Variants in MFHAS1 observed in about 807,000 individuals in gnomAD.
MFHAS1 encodes the protein multifunctional ROCO family signaling regulator 1, also known as malignant fibrous histiocytoma-amplified sequence 1.
A neutral mutation model predicts 70.4 loss-of-function variants in MFHAS1; 50 were observed. The ratio of observed to expected loss-of-function variants is 0.71; its 90% CI spans 0.57 to 0.90. MFHAS1 has a LOEUF of 0.90. MFHAS1 is among the 40% of genes least tolerant of loss of function. The pLI, the probability that MFHAS1 is intolerant of heterozygous loss-of-function variation, is 0.00. For synonymous variants in MFHAS1, 952 were observed against 620.0 expected, an observed-to-expected ratio of 1.54 and a Z score of -7.96; for missense variants, 1,795 against 1,347.6, an observed-to-expected ratio of 1.33 and a Z score of -5.20.
intron 1 of MFHAS1, among the ~76,000 whole-genome samples, chr8:8,888,067 C>A (rs1809839930): frequency 6.6e-6 from 1 of 152,118 alleles, no homozygotes; most frequent in Non-Finnish European, 1.5e-5. Context: ...CATTTGGTAT[C>A]ACAATAAAGA....
intron 1 of MFHAS1, among the ~76,000 whole-genome samples, chr8:8,846,808 T>C (rs146868225): frequency 2.0e-4 from 30 of 152,258 alleles, no homozygotes; most frequent in African/African-American, 6.5e-4. Context: ...GGCTGCTTTA[T>C]TTAAAATAGC....
At chr8:8,882,594 AGAGT>A (rs1338250279) in intron 1 of MFHAS1, among the ~76,000 whole-genome samples, 4 of 152,220 alleles carry the variant, frequency 2.6e-5, no homozygotes, top group Non-Finnish European at 5.9e-5. Flanking sequence ...CCTGGGCGAC[AGAGT>A]GAGACTCCAT....
chr8:8,839,704 G>A (rs534956883), intron 1 of MFHAS1, among the ~76,000 whole-genome samples: 2 of 152,272 alleles, frequency 1.3e-5, no homozygotes, highest in South Asian at 4.1e-4. Context: ...AGGTCTGGCT[G>A]AAATAACGTA....
chr8:8,811,432 T>C (rs760715747), intron 1 of MFHAS1, among the ~76,000 whole-genome samples: 2 of 152,082 alleles, frequency 1.3e-5, no homozygotes, highest in South Asian at 2.1e-4. Flanking sequence ...CACACCATCA[T>C]ACCTCATTTT....
chr8:8,869,044 C>T (rs1808969483), intron 1 of MFHAS1, among the ~76,000 whole-genome samples: 1 of 152,128 alleles, frequency 6.6e-6, no homozygotes, highest in Non-Finnish European at 1.5e-5. Context: ...AACAGCTATG[C>T]AAAGCAGGTG....
At chr8:8,832,089 C>CACACAT (rs1554481392) in intron 1 of MFHAS1, among the ~76,000 whole-genome samples, 1 of 151,114 alleles carries the variant, frequency 6.6e-6, no homozygotes, top group African/African-American at 2.4e-5. Flanking sequence ...CACACACACA[C>CACACAT]GCACCAAAGT....
chr8:8,880,076 T>G (rs1809455317), intron 1 of MFHAS1, among the ~76,000 whole-genome samples: 1 of 152,228 alleles, frequency 6.6e-6, no homozygotes, highest in African/African-American at 2.4e-5. Context: ...ACATACACCC[T>G]AGAACAGACC....
chr8:8,821,409 G>C (rs150254590), intron 1 of MFHAS1, among the ~76,000 whole-genome samples: 85 of 152,330 alleles, frequency 5.6e-4, no homozygotes, highest in African/African-American at 1.9e-3. Context: ...AAAGATCGAA[G>C]ATCGGCATGG....
At chr8:8,851,634 C>T (rs190316529) in intron 1 of MFHAS1, among the ~76,000 whole-genome samples, 1 of 152,184 alleles carries the variant, frequency 6.6e-6, no homozygotes, top group East Asian at 1.9e-4. Context: ...TGTTGCAAAA[C>T]AAAACTGGAA....
intron 1 of MFHAS1, among the ~76,000 whole-genome samples, chr8:8,811,359 G>C (rs947570441): frequency 6.6e-6 from 1 of 151,958 alleles, no homozygotes; most frequent in Non-Finnish European, 1.5e-5. Context: ...CCAGGCTGGA[G>C]TACAGTGGCG....
intron 1 of MFHAS1, among the ~76,000 whole-genome samples, chr8:8,798,041 G>C (rs946266918): frequency 1.3e-5 from 2 of 152,228 alleles, no homozygotes; most frequent in African/African-American, 4.8e-5. Context: ...AGGTATGTGT[G>C]AAGCAGATGC....
chr8:8,844,242 C>G (rs1187687449), intron 1 of MFHAS1, among the ~76,000 whole-genome samples: 1 of 152,070 alleles, frequency 6.6e-6, no homozygotes, highest in Non-Finnish European at 1.5e-5. Flanking sequence ...CCATAGGAGC[C>G]CTAAAAACTG....
At chr8:8,844,056 C>A (rs181147450) in intron 1 of MFHAS1, among the ~76,000 whole-genome samples, 1 of 152,178 alleles carries the variant, frequency 6.6e-6, no homozygotes, top group Admixed American at 6.5e-5. Flanking sequence ...AAATTCTAAT[C>A]CTTTTGAAAA....
chr8:8,789,213 G>C (rs1354188803), intron 2 of MFHAS1, among the ~76,000 whole-genome samples: 2 of 152,186 alleles, frequency 1.3e-5, no homozygotes, highest in African/African-American at 2.4e-5. Flanking sequence ...TCACGACACA[G>C]ATGAGATGGG....
chr8:8,790,325 C>G (rs916338615), intron 2 of MFHAS1: 3 of 969,702 alleles, frequency 3.1e-6, no homozygotes, highest in Non-Finnish European at 3.7e-6. Context: ...GAGACTTACC[C>G]TTAAAAATTG....
At chr8:8,872,566 G>C (rs1341815226) in intron 1 of MFHAS1, among the ~76,000 whole-genome samples, 5 of 152,274 alleles carry the variant, frequency 3.3e-5, no homozygotes, top group African/African-American at 9.6e-5. Context: ...ATTTGGGTAA[G>C]CTTTTAATGC....
At chr8:8,796,903 G>T (rs1457257971) in intron 2 of MFHAS1, among the ~76,000 whole-genome samples, 2 of 151,334 alleles carry the variant, frequency 1.3e-5, no homozygotes, top group African/African-American at 4.9e-5. Context: ...GGCTGAGGCA[G>T]GAGAATGGGG....
intron 1 of MFHAS1, among the ~76,000 whole-genome samples, chr8:8,875,997 A>G (rs1161012973): frequency 1.3e-5 from 2 of 152,236 alleles, no homozygotes; most frequent in African/African-American, 4.8e-5. Flanking sequence ...GTTTTGATCC[A>G]CAAACTTATC....
chr8:8,800,925 G>C (rs923438301), intron 1 of MFHAS1, among the ~76,000 whole-genome samples: 5 of 152,040 alleles, frequency 3.3e-5, no homozygotes, highest in African/African-American at 1.2e-4. Context: ...CAGAGAATTT[G>C]AAATAACAGG....
Sources: gnomAD v4.1 joint callset for allele counts (sites outside exome capture counted in the v4.1 genomes callset) on GRCh38, gnomAD v4.1.1 for gene constraint, MANE v1.5 for transcripts, NCBI Gene and HGNC (gene_info 2026-07-23, HGNC 2026-07-21) for gene names.